Variants in FAAH2 observed in about 807,000 individuals in gnomAD.
FAAH2 encodes the protein fatty acid amide hydrolase 2, also known as fatty-acid amide hydrolase 2.
FAAH2 carries 60 observed loss-of-function variants against 36.9 expected under a neutral mutation model. The ratio of observed to expected loss-of-function variants is 1.63; its 90% CI spans 1.32 to 2.02. The LOEUF (loss-of-function observed/expected upper bound fraction) is 2.02, where lower values mean the gene tolerates loss of function less well. Ranked by LOEUF, FAAH2 falls within the 30% of genes most tolerant of loss-of-function variation. The pLI, the probability that FAAH2 is intolerant of heterozygous loss-of-function variation, is 0.00. For missense variants in FAAH2, 689 were observed against 397.5 expected (o/e 1.73, Z -6.23); for synonymous variants, 214 against 143.8 (o/e 1.49, Z -3.49).
At chrX:57,441,483 C>A (rs1359363265) in intron 8 of FAAH2, among the ~76,000 whole-genome samples, 1 of 109,466 alleles carries the variant, frequency 9.1e-6, no homozygotes, top group African/African-American at 3.3e-5. Context: ...CTATTTGATT[C>A]CTCTCTCTTT....
At chrX:57,351,248 T>C (rs2053991845) in intron 5 of FAAH2, among the ~76,000 whole-genome samples, 1 of 111,284 alleles carries the variant, frequency 9.0e-6, no homozygotes, top group Non-Finnish European at 1.9e-5. Flanking sequence ...GACCATTGGG[T>C]CAATAAAGAA....
At chrX:57,487,395 A>G (rs2147295642) in intron 10 of FAAH2, among the ~76,000 whole-genome samples, 1 of 112,016 alleles carries the variant, frequency 8.9e-6, no homozygotes, top group African/African-American at 3.2e-5. Flanking sequence ...CTGGGGATTT[A>G]TATTCCAAAC....
At chrX:57,193,893 T>C in the FAAH2 span, among the ~76,000 whole-genome samples, 4 of 112,005 alleles carry the variant, frequency 3.6e-5, no homozygotes, top group Non-Finnish European at 5.6e-5. Context: ...TGAGTGATCT[T>C]TTTAATGTAT....
intron 10 of FAAH2, among the ~76,000 whole-genome samples, chrX:57,462,712 G>C (rs2056982713): frequency 8.9e-6 from 1 of 112,342 alleles, no homozygotes; most frequent in Non-Finnish European, 1.9e-5. Context: ...ATACCAAATA[G>C]GTAAAATCTG....
chrX:57,274,462 C>T, the FAAH2 span, among the ~76,000 whole-genome samples: 3 of 111,919 alleles, frequency 2.7e-5, no homozygotes, highest in Admixed American at 1.9e-4. Flanking sequence ...AAAGAGAAAA[C>T]TTCAGACCAA....
At chrX:57,141,996 T>C in the FAAH2 span, among the ~76,000 whole-genome samples, 1 of 111,360 alleles carries the variant, frequency 9.0e-6, no homozygotes, top group Admixed American at 9.6e-5. Flanking sequence ...TTTTATTTAT[T>C]TGAGTCTTCT....
chrX:57,435,692 T>C (rs746644625), intron 8 of FAAH2, among the ~76,000 whole-genome samples: 5 of 111,199 alleles, frequency 4.5e-5, no homozygotes, highest in East Asian at 2.8e-4. Context: ...ACCAGATTCA[T>C]AAAACAAATA....
the FAAH2 span, among the ~76,000 whole-genome samples, chrX:57,155,649 C>A: frequency 8.9e-6 from 1 of 112,252 alleles, no homozygotes; most frequent in Admixed American, 9.4e-5. Context: ...TCACGTCATC[C>A]CCCAAGTTCT....
intron 2 of FAAH2, among the ~76,000 whole-genome samples, chrX:57,304,920 C>T (rs1448674729): frequency 8.9e-6 from 1 of 111,735 alleles, no homozygotes; most frequent in Non-Finnish European, 1.9e-5. Flanking sequence ...ACATGTTGGT[C>T]TTATTATCAA....
In FAAH2 at chrX:57,306,690, TTGTGTGTGTGTGTGTGTG is replaced by T. The variant is rs758466450; in HGVS notation, c.276-3879_276-3862del. On this transcript the variant is annotated intron_variant, in intron 2 of 10. Transcript: ENST00000374900. ...TCAGTACAACGAGACTAGCAACATC[TTGTGTGTGTGTGTGTGTG>T]TGTGTGTGTGTGTGTGTGTGTGTAT... is the stretch of plus-strand genomic sequence containing the variant. 4.4e-5 allele frequency among the ~76,000 whole-genome samples: 3 copies of T among 68,609 alleles called. No homozygotes were observed. In the Admixed American group the frequency reaches 5.7e-4, roughly 13 times the overall value. The allele number at this position is 68,609 out of a possible 115,157, so 59.6% of individuals were successfully genotyped here.
At chrX:57,237,051 T>C in the FAAH2 span, among the ~76,000 whole-genome samples, 1 of 111,710 alleles carries the variant, frequency 9.0e-6, no homozygotes, top group Admixed American at 9.6e-5. Flanking sequence ...AAGATAAGGG[T>C]CTAGTTTCAT....
At chrX:57,236,109 G>A in the FAAH2 span, among the ~76,000 whole-genome samples, 4 of 111,758 alleles carry the variant, frequency 3.6e-5, no homozygotes, top group Non-Finnish European at 5.7e-5. Flanking sequence ...TTCTTTCTGT[G>A]CCTCGCTTAT....
intron 7 of FAAH2, among the ~76,000 whole-genome samples, chrX:57,386,917 CA>C (rs1443850482): frequency 8.9e-6 from 1 of 111,805 alleles, no homozygotes; most frequent in East Asian, 2.8e-4. Flanking sequence ...AAAATAGTCA[CA>C]TGCTAAAAAA....
intron 10 of FAAH2, among the ~76,000 whole-genome samples, chrX:57,478,029 C>G (rs1017403227): frequency 8.0e-5 from 9 of 111,855 alleles, no homozygotes; most frequent in African/African-American, 2.9e-4. Flanking sequence ...GAGTCAAATG[C>G]TATTTCTAGT....
the FAAH2 span, among the ~76,000 whole-genome samples, chrX:57,216,526 GTA>G: frequency 0.23 from 7,763 of 33,106 alleles, 1,374 homozygotes; most frequent in African/African-American, 0.42. Context: ...ATACGTATAT[GTA>G]TATATATATA....
chrX:57,264,495 T>A, the FAAH2 span, among the ~76,000 whole-genome samples: 1 of 112,477 alleles, frequency 8.9e-6, no homozygotes, highest in Non-Finnish European at 1.9e-5. Flanking sequence ...CCATGTTGCA[T>A]CAGTCAAACT....
At chrX:57,389,179 G>A (rs1224931898) in intron 7 of FAAH2, among the ~76,000 whole-genome samples, 1 of 101,855 alleles carries the variant, frequency 9.8e-6, no homozygotes, top group African/African-American at 3.5e-5. Context: ...GGTTTGTTAT[G>A]GTACTCCAGA....
the FAAH2 span, among the ~76,000 whole-genome samples, chrX:57,183,641 A>G: frequency 9.0e-6 from 1 of 111,662 alleles, no homozygotes; most frequent in East Asian, 2.8e-4. Context: ...TAATCCTGTT[A>G]TCTTCATAAG....
intron 5 of FAAH2, among the ~76,000 whole-genome samples, chrX:57,347,408 G>A (rs2053850360): frequency 9.0e-6 from 1 of 110,736 alleles, no homozygotes; most frequent in Non-Finnish European, 1.9e-5. Context: ...TTTAATTCCA[G>A]GAGGTCTGTT....
Sources: allele counts gnomAD v4.1 joint callset (sites outside exome capture counted in the v4.1 genomes callset), GRCh38; gene constraint gnomAD v4.1.1; transcripts MANE v1.5; gene names NCBI Gene and HGNC (gene_info 2026-07-23, HGNC 2026-07-21).